ARIH2: variants seen among roughly 807,000 people sequenced by gnomAD.
The protein encoded by ARIH2 is ariadne RBR E3 ubiquitin protein ligase 2.
Under a neutral mutation model 79.8 loss-of-function variants are expected in ARIH2, and 12 were observed. The ratio of observed to expected loss-of-function variants is 0.15; its 90% CI spans 0.10 to 0.24. ARIH2 has a LOEUF of 0.24. Ranked by LOEUF, ARIH2 falls within the 10% of genes least tolerant of loss-of-function variation. The pLI, the probability that ARIH2 is intolerant of heterozygous loss-of-function variation, is 1.00. For missense variants in ARIH2, 301 were observed against 618.3 expected, an observed-to-expected ratio of 0.49 and a Z score of 5.44; for synonymous variants, 224 against 213.9, an observed-to-expected ratio of 1.05 and a Z score of -0.41.
intron 3 of ARIH2, among the ~76,000 whole-genome samples, chr3:48,943,783 C>G (rs2088704574): frequency 6.6e-6 from 1 of 152,118 alleles, no homozygotes. Flanking sequence ...GAAGTACCCT[C>G]CTTTTGGAGA....
intron 3 of ARIH2, among the ~76,000 whole-genome samples, chr3:48,940,969 A>G (rs1345826886): frequency 6.6e-6 from 1 of 151,478 alleles, no homozygotes; most frequent in Admixed American, 6.6e-5. Flanking sequence ...GGAGATCAAG[A>G]CTATCCTGGC....
At chr3:48,954,370 G>A (rs1430545903) in intron 3 of ARIH2, among the ~76,000 whole-genome samples, 1 of 151,988 alleles carries the variant, frequency 6.6e-6, no homozygotes, top group African/African-American at 2.4e-5. Flanking sequence ...CCGGGAGGCA[G>A]AGCTTGCAGT....
intron 9 of ARIH2, 134 bp downstream of exon 9, chr3:48,973,950 C>A: frequency 1.6e-6 from 1 of 618,892 alleles, no homozygotes; most frequent in Non-Finnish European, 2.9e-6. Context: ...GGTTTGGGGA[C>A]CCTCACACAG....
rs1479889337 is a variant in ARIH2, at chr3:48,918,900, G to C, written c.-260G>C. 1.9e-6 allele frequency: 3 copies of C among 1,600,112 alleles called. No homozygotes were observed. The Admixed American group carries it at 5.1e-5, about 27-fold the overall frequency. On this transcript the variant is annotated 5_prime_UTR_variant, in exon 1 of 16. Transcript: ENST00000356401. Reference sequence around the variant, plus strand: ...GCGCGGGCTTGACCGGCGTCGGCCCGCCGCCTCCGCTGCCGCTTCGCCCCA... The same window carrying C: ...GCGCGGGCTTGACCGGCGTCGGCCCCCCGCCTCCGCTGCCGCTTCGCCCCA...
chr3:48,957,301 C>T (rs1238312196), intron 3 of ARIH2, among the ~76,000 whole-genome samples: 1 of 152,120 alleles, frequency 6.6e-6, no homozygotes, highest in Non-Finnish European at 1.5e-5. Flanking sequence ...ATCAAGAGAT[C>T]AGTGTTAAAC....
rs138786680 is a variant in ARIH2, at chr3:48,933,351, C to T, written c.255+5538C>T. Among the ~76,000 whole-genome samples, 449 of 148,676 alleles carry T rather than the reference C, an allele frequency of 3.0e-3. 5 individuals carry two copies. The highest frequency in any genetic ancestry group is 0.014 in the East Asian group (72 of 5,064). On this transcript the variant is annotated intron_variant, in intron 3 of 15. Transcript: ENST00000356401. ...TGTGTGTGTGTGTTTTTGGTAGAGA[C>T]GGGGTTTTGCCATGTTACCCAGGCT...
At chr3:48,977,749 G>T (rs1458242967) in intron 11 of ARIH2, among the ~76,000 whole-genome samples, 10 of 152,160 alleles carry the variant, frequency 6.6e-5, no homozygotes, top group South Asian at 2.1e-4. Context: ...GAGGCACCGT[G>T]CCCGGCCTGT....
chr3:48,965,482 A>G (rs1488785045), intron 5 of ARIH2, among the ~76,000 whole-genome samples: 1 of 152,190 alleles, frequency 6.6e-6, no homozygotes, highest in Non-Finnish European at 1.5e-5. Flanking sequence ...GGACTAAGTC[A>G]TTGCCTGTCC....
At chr3:48,946,702 C>T (rs1278763371) in intron 3 of ARIH2, among the ~76,000 whole-genome samples, 1 of 151,912 alleles carries the variant, frequency 6.6e-6, no homozygotes, top group Non-Finnish European at 1.5e-5. Context: ...AGAGAGAGCT[C>T]ATTTCAAGCT....
chr3:48,923,015 G>A (rs911581826), intron 2 of ARIH2, among the ~76,000 whole-genome samples: 4 of 152,024 alleles, frequency 2.6e-5, no homozygotes, highest in East Asian at 1.9e-4. Flanking sequence ...AGACCATCCC[G>A]GCTAAAACGG....
chr3:48,976,928 C>T (rs530061967), intron 11 of ARIH2, among the ~76,000 whole-genome samples: 4 of 151,224 alleles, frequency 2.6e-5, no homozygotes, highest in Non-Finnish European at 5.9e-5. Context: ...TGGCTGGGCG[C>T]GGTGGCTCAC....
intron 3 of ARIH2, among the ~76,000 whole-genome samples, chr3:48,953,222 G>T (rs950416409): frequency 6.6e-6 from 1 of 151,954 alleles, no homozygotes; most frequent in African/African-American, 2.4e-5. Context: ...AAGCCACCGC[G>T]CCTGGCCAGC....
chr3:48,919,124 C>G, intron 1 of ARIH2, 126 bp downstream of exon 1: 1 of 1,293,486 alleles, frequency 7.7e-7, no homozygotes, highest in Non-Finnish European at 9.8e-7. Context: ...CGGGCGCTCC[C>G]CGTCGCCGGC....
At chr3:48,960,585 G>A (rs2091143044) in intron 3 of ARIH2, among the ~76,000 whole-genome samples, 1 of 151,986 alleles carries the variant, frequency 6.6e-6, no homozygotes, top group African/African-American at 2.4e-5. Flanking sequence ...CCAACATGGT[G>A]AAACCCTGTC....
chr3:48,974,703 C>A, intron 9 of ARIH2, 114 bp from the exon 10 acceptor site: 1 of 1,061,312 alleles, frequency 9.4e-7, no homozygotes, highest in Non-Finnish European at 1.5e-6. Context: ...GTGCTCCTCC[C>A]CAGAAGTGCT....
chr3:48,956,590 C>T (rs1479670218), intron 3 of ARIH2, among the ~76,000 whole-genome samples: 3 of 151,538 alleles, frequency 2.0e-5, no homozygotes, highest in African/African-American at 7.3e-5. Flanking sequence ...ACCACTGTGC[C>T]TGGCAGTCAC....
In ARIH2 at chr3:48,968,625, C is replaced by T. The variant is rs756157861; in HGVS notation, c.630C>T (p.Tyr210=). ...CCAATGAAGAATTGAGAGAGAAATA[C>T]AGGCGCTACCTCTTCAGGGACTATG... is the stretch of plus-strand genomic sequence containing the variant. ...LLPNEELREK[Y]RRYLFRDYVE... Residue 210 remains tyrosine (Y), a synonymous_variant, in exon 7 of 16, where the codon TAC becomes TAT. Coordinates refer to ENST00000356401, the MANE Select transcript of ARIH2 (RefSeq NM_006321.4). 9 of 1,610,870 alleles carry T rather than the reference C, an allele frequency of 5.6e-6. No homozygotes were observed. The highest frequency in any genetic ancestry group is 5.5e-5 in the South Asian group (5 of 91,068).
intron 14 of ARIH2, 146 bp from the exon 15 acceptor site, chr3:48,982,750 G>C: frequency 1.6e-6 from 1 of 641,176 alleles, no homozygotes; most frequent in Admixed American, 2.6e-5. Flanking sequence ...TCTGGGCACA[G>C]GGAATAACAC....
chr3:48,981,997 G>A (rs184339822), intron 14 of ARIH2, among the ~76,000 whole-genome samples: 1 of 152,346 alleles, frequency 6.6e-6, no homozygotes, highest in East Asian at 1.9e-4. Flanking sequence ...GTGGCCAGTG[G>A]GAGGCCAGTA....
Sources: allele counts gnomAD v4.1 joint callset (sites outside exome capture counted in the v4.1 genomes callset), GRCh38; gene constraint gnomAD v4.1.1; transcripts MANE v1.5; gene names NCBI Gene and HGNC (gene_info 2026-07-23, HGNC 2026-07-21).